The following LYPLAL1 variants were observed in gnomAD, a reference collection of about 807,000 sequenced individuals.
LYPLAL1 encodes the protein lysophospholipase like 1.
Under a neutral mutation model 19.7 loss-of-function variants are expected in LYPLAL1, and 23 were observed. That is an observed-to-expected ratio of 1.17 (90% CI 0.84 to 1.65). The LOEUF (loss-of-function observed/expected upper bound fraction) is 1.65. LYPLAL1 is among the 40% of genes most tolerant of loss of function. The pLI, the probability that LYPLAL1 is intolerant of heterozygous loss-of-function variation, is 0.00. For missense variants in LYPLAL1, 355 were observed against 279.4 expected, an observed-to-expected ratio of 1.27 and a Z score of -1.93; for synonymous variants, 119 against 96.3, an observed-to-expected ratio of 1.24 and a Z score of -1.38.
chr1:219,182,270 A>T (rs1656354064), intron 2 of LYPLAL1, among the ~76,000 whole-genome samples: 1 of 152,080 alleles, frequency 6.6e-6, no homozygotes, highest in Admixed American at 6.6e-5. Flanking sequence ...ATTTTATTAG[A>T]ATGCTCTGGC....
the LYPLAL1 span, among the ~76,000 whole-genome samples, chr1:219,426,837 G>T: frequency 2.6e-5 from 4 of 152,200 alleles, no homozygotes; most frequent in African/African-American, 9.6e-5. Context: ...GACTTCAGGT[G>T]ATCTGCCCTC....
At chr1:219,243,905 G>T in the LYPLAL1 span, among the ~76,000 whole-genome samples, 1 of 128,454 alleles carries the variant, frequency 7.8e-6, no homozygotes, top group Non-Finnish European at 1.6e-5. Context: ...GGGGACGAGA[G>T]CAAAACTCCA....
chr1:219,253,775 A>T, the LYPLAL1 span, among the ~76,000 whole-genome samples: 2 of 151,934 alleles, frequency 1.3e-5, no homozygotes, highest in Non-Finnish European at 2.9e-5. Flanking sequence ...GGAGAGTTCT[A>T]TGAAGGTCTA....
chr1:219,318,979 C>G, the LYPLAL1 span, among the ~76,000 whole-genome samples: 44 of 152,286 alleles, frequency 2.9e-4, 1 homozygote, highest in South Asian at 4.6e-3. Context: ...GGATTGCTTC[C>G]CATTCTTTCT....
At chr1:219,248,862 A>G in the LYPLAL1 span, among the ~76,000 whole-genome samples, 70,614 of 151,796 alleles carry the variant, frequency 0.47, 16,790 homozygotes, top group East Asian at 0.66. Context: ...AAAGAAAATA[A>G]ATCCTATAAT....
chr1:219,335,360 C>T, the LYPLAL1 span, among the ~76,000 whole-genome samples: 1 of 151,750 alleles, frequency 6.6e-6, no homozygotes, highest in Admixed American at 6.6e-5. Flanking sequence ...GGACCTACTT[C>T]AAAAAGGCAT....
the LYPLAL1 span, among the ~76,000 whole-genome samples, chr1:219,416,672 A>G: frequency 6.6e-6 from 1 of 152,232 alleles, no homozygotes; most frequent in South Asian, 2.1e-4. Flanking sequence ...GGAAGGGGCC[A>G]TAACTTCTGG....
the LYPLAL1 span, among the ~76,000 whole-genome samples, chr1:219,241,521 C>A: frequency 6.6e-6 from 1 of 151,956 alleles, no homozygotes; most frequent in East Asian, 1.9e-4. Flanking sequence ...AAATCCTTAC[C>A]TTCTTGGGTT....
the LYPLAL1 span, among the ~76,000 whole-genome samples, chr1:219,375,209 G>A: frequency 6.6e-6 from 1 of 152,190 alleles, no homozygotes; most frequent in African/African-American, 2.4e-5. Flanking sequence ...GCTCACATCT[G>A]TAATCCCAGC....
At chr1:219,255,231 G>A in the LYPLAL1 span, among the ~76,000 whole-genome samples, 1 of 151,466 alleles carries the variant, frequency 6.6e-6, no homozygotes, top group Non-Finnish European at 1.5e-5. Flanking sequence ...TATAAATATG[G>A]TATATATACT....
the LYPLAL1 span, among the ~76,000 whole-genome samples, chr1:219,242,059 C>A: frequency 2.6e-5 from 4 of 152,084 alleles, no homozygotes; most frequent in African/African-American, 9.7e-5. Flanking sequence ...AATATGTTTT[C>A]TTTAACCTTT....
the LYPLAL1 span, among the ~76,000 whole-genome samples, chr1:219,313,726 G>C: frequency 1.3e-5 from 2 of 151,930 alleles, no homozygotes; most frequent in Admixed American, 1.3e-4. Flanking sequence ...GTAGAGACAG[G>C]GTTTCACCAT....
chr1:219,282,549 A>G, the LYPLAL1 span, among the ~76,000 whole-genome samples: 1 of 151,830 alleles, frequency 6.6e-6, no homozygotes, highest in East Asian at 1.9e-4. Flanking sequence ...GGTAAAATAT[A>G]GAATACTTGA....
At chr1:219,314,947 T>C in the LYPLAL1 span, among the ~76,000 whole-genome samples, 544 of 151,976 alleles carry the variant, frequency 3.6e-3, 6 homozygotes, top group African/African-American at 0.012. Context: ...AGCATCTGAA[T>C]AATAGAATAA....
At chr1:219,361,168 GCA>G in the LYPLAL1 span, among the ~76,000 whole-genome samples, 1 of 152,166 alleles carries the variant, frequency 6.6e-6, no homozygotes, top group Non-Finnish European at 1.5e-5. Context: ...AGTCTGTTTT[GCA>G]CAGGTTAACA....
At chr1:219,337,690 A>C in the LYPLAL1 span, among the ~76,000 whole-genome samples, 1 of 152,030 alleles carries the variant, frequency 6.6e-6, no homozygotes, top group Non-Finnish European at 1.5e-5. Flanking sequence ...ACCATAGCAC[A>C]CAAAAGCTGG....
chr1:219,337,169 T>C, the LYPLAL1 span, among the ~76,000 whole-genome samples: 2 of 151,966 alleles, frequency 1.3e-5, no homozygotes, highest in African/African-American at 4.8e-5. Context: ...GGATCCACTC[T>C]GATCAACCAG....
chr1:219,232,336 T>TA, the LYPLAL1 span, among the ~76,000 whole-genome samples: 42 of 151,784 alleles, frequency 2.8e-4, no homozygotes, highest in African/African-American at 7.5e-4. Flanking sequence ...GCATACTTTT[T>TA]AAAAAAAATA....
chr1:219,220,004 G>A, the LYPLAL1 span, among the ~76,000 whole-genome samples: 1 of 152,092 alleles, frequency 6.6e-6, no homozygotes, highest in Admixed American at 6.6e-5. Flanking sequence ...AATGATTAAA[G>A]TTTTTCCCTT....
Sources: allele counts gnomAD v4.1 joint callset (sites outside exome capture counted in the v4.1 genomes callset), GRCh38; gene constraint gnomAD v4.1.1; transcripts MANE v1.5; gene names NCBI Gene and HGNC (gene_info 2026-07-23, HGNC 2026-07-21).